Variants in SDK2 observed in about 807,000 individuals in gnomAD.
SDK2 encodes the protein sidekick cell adhesion molecule 2, also known as protein sidekick-2.
SDK2 carries 105 observed loss-of-function variants against 253.9 expected under a neutral mutation model. That is an observed-to-expected ratio of 0.41 (90% CI 0.35 to 0.49). SDK2 has a LOEUF of 0.49. SDK2 is among the 20% of genes least tolerant of loss of function. The probability of loss-of-function intolerance (pLI) is 0.06; values close to 1 mark genes in which losing one functional copy is unlikely to be tolerated. For missense variants in SDK2, 2,608 were observed against 3,003.0 expected (o/e 0.87, Z 3.07); for synonymous variants, 1,249 against 1,234.9 (o/e 1.01, Z -0.24).
intron 44 of SDK2, among the ~76,000 whole-genome samples, chr17:73,341,630 A>C (rs1310863060): frequency 6.6e-6 from 1 of 152,156 alleles, no homozygotes; most frequent in Non-Finnish European, 1.5e-5. Flanking sequence ...TGGGATGGGG[A>C]GCTGTGTCCT....
At chr17:73,582,326 A>T (rs1054251741) in intron 1 of SDK2, among the ~76,000 whole-genome samples, 2 of 151,332 alleles carry the variant, frequency 1.3e-5, no homozygotes, top group Admixed American at 6.6e-5. Context: ...CACACCACGC[A>T]GGCATCAGCA....
intron 32 of SDK2, 35 bp downstream of exon 32, chr17:73,385,808 CTGGG>C: frequency 6.4e-7 from 1 of 1,557,760 alleles, no homozygotes; most frequent in East Asian, 2.3e-5. Flanking sequence ...CAGAGCTCGT[CTGGG>C]TCTTCACGGA....
At chr17:73,628,954 C>T (rs16977717) in intron 1 of SDK2, among the ~76,000 whole-genome samples, 2,982 of 152,284 alleles carry the variant, frequency 0.02, 111 homozygotes, top group African/African-American at 0.068. Flanking sequence ...GAAGCCAGAT[C>T]ATGGGTCCAG....
At chr17:73,471,986 G>T in intron 3 of SDK2, 126 bp downstream of exon 3, 4 of 687,680 alleles carry the variant, frequency 5.8e-6, no homozygotes, top group Non-Finnish European at 7.4e-6. Context: ...GCTGGAAGGG[G>T]CACCATGGGC....
chr17:73,594,333 G>A (rs2045724475), intron 1 of SDK2, among the ~76,000 whole-genome samples: 1 of 152,170 alleles, frequency 6.6e-6, no homozygotes, highest in Non-Finnish European at 1.5e-5. Context: ...CATGTCCTCA[G>A]ACTGCTCCAG....
intron 3 of SDK2, among the ~76,000 whole-genome samples, chr17:73,456,326 A>G (rs2063525698): frequency 6.6e-6 from 1 of 152,148 alleles, no homozygotes; most frequent in Non-Finnish European, 1.5e-5. Context: ...CACACATTTT[A>G]CAATGGAAAA....
chr17:73,598,500 T>G (rs1194896801), intron 1 of SDK2, among the ~76,000 whole-genome samples: 1 of 152,148 alleles, frequency 6.6e-6, no homozygotes, highest in Non-Finnish European at 1.5e-5. Flanking sequence ...TCCCCTGGCT[T>G]CCCCTCTGCC....
intron 21 of SDK2, 106 bp from the exon 22 acceptor site, chr17:73,399,395 A>G: frequency 8.0e-7 from 1 of 1,251,992 alleles, no homozygotes; most frequent in African/African-American, 1.5e-5. Flanking sequence ...CTTTTCCTGG[A>G]AATGTCTGAG....
Position 73,475,878 on chromosome 17 carries a change from G to A in SDK2, c.225-3660C>T, listed in dbSNP as rs576044954. Among the ~76,000 whole-genome samples, 3 of 152,328 alleles carry A rather than the reference G, an allele frequency of 2.0e-5. No individual in the cohort carries two copies. The East Asian group carries it at 5.8e-4, about 29-fold the overall frequency. The stretch of plus-strand genomic sequence containing the variant: ...AAAAATCCCCGCACTTTGGGAGACC[G>A]AGGTGGGCAGATCACTTGAGGTCAG... On this transcript the variant is annotated intron_variant, in intron 2 of 44. Coordinates refer to ENST00000392650, the MANE Select transcript of SDK2 (RefSeq NM_001144952.2).
chr17:73,384,994 C>T (rs557500903), intron 32 of SDK2, among the ~76,000 whole-genome samples: 2 of 152,174 alleles, frequency 1.3e-5, no homozygotes, highest in Non-Finnish European at 2.9e-5. Context: ...TCTACGGGAG[C>T]GTCCTCTCCT....
intron 26 of SDK2, 27 bp downstream of exon 26, chr17:73,394,182 C>T (rs750443165): frequency 7.0e-7 from 1 of 1,437,034 alleles, no homozygotes; most frequent in Non-Finnish European, 9.4e-7. Context: ...GTGTAGGGAC[C>T]CCACCTCCTG....
chr17:73,468,588 T>G (rs1321462896), intron 3 of SDK2, among the ~76,000 whole-genome samples: 1 of 152,150 alleles, frequency 6.6e-6, no homozygotes, highest in Non-Finnish European at 1.5e-5. Flanking sequence ...CTCAGCTCAC[T>G]GCAACCTCCG....
intron 1 of SDK2, among the ~76,000 whole-genome samples, chr17:73,569,534 A>G (rs892522767): frequency 6.6e-6 from 1 of 151,508 alleles, no homozygotes; most frequent in Non-Finnish European, 1.5e-5. Context: ...TAACCCTTGC[A>G]GCACATTGGA....
intron 1 of SDK2, among the ~76,000 whole-genome samples, chr17:73,610,242 A>T (rs1196340761): frequency 2.6e-5 from 4 of 152,142 alleles, no homozygotes; most frequent in Non-Finnish European, 5.9e-5. Flanking sequence ...ACTGGGGAGG[A>T]AACCCGTAGG....
intron 16 of SDK2, among the ~76,000 whole-genome samples, chr17:73,416,655 T>A (rs1329149771): frequency 6.6e-6 from 1 of 152,132 alleles, no homozygotes; most frequent in Non-Finnish European, 1.5e-5. Flanking sequence ...TATGGCATGA[T>A]CTTGGCTCAC....
In SDK2 at chr17:73,498,932, G is replaced by A. The variant is rs148911089; in HGVS notation, c.224+8506C>T. Among the ~76,000 whole-genome samples the A allele has an allele frequency of 9.8e-5, 15 of 152,338 alleles. No homozygotes were observed. In the East Asian group the frequency reaches 2.5e-3, roughly 26 times the overall value. The stretch of plus-strand genomic sequence containing the variant: ...AAACCTGACTCCGTGTACTGGCTGT[G>A]TGACCTTGGGTAGGTTGCCGAACCT... On this transcript the variant is annotated intron_variant, in intron 2 of 44. Coordinates refer to ENST00000392650, the MANE Select transcript of SDK2 (RefSeq NM_001144952.2).
chr17:73,405,498 AT>A lies in SDK2; in HGVS notation c.2485-3358del, dbSNP rs1568385701. Reference sequence around the variant, plus strand: ...TATATATATATATATATATATATATATATATATATATATATATATAAAGATC... The same window carrying A: ...TATATATATATATATATATATATATAATATATATATATATATATAAAGATC... On this transcript the variant is annotated intron_variant, in intron 18 of 44. Transcript: ENST00000392650. Among the ~76,000 whole-genome samples the A allele has an allele frequency of 8.5e-3, 855 of 100,936 alleles. 140 individuals carry two copies. The highest frequency in any genetic ancestry group is 0.014 in the Non-Finnish European group (701 of 49,750). The allele number at this position is 100,936 out of a possible 152,430, so 66.2% of individuals were successfully genotyped here. A position where few individuals can be genotyped will look rare whatever the true frequency, so the allele number is the denominator to read the frequency against.
At chr17:73,640,017 G>A (rs1289719620) in intron 1 of SDK2, among the ~76,000 whole-genome samples, 1 of 152,152 alleles carries the variant, frequency 6.6e-6, no homozygotes, top group Admixed American at 6.5e-5. Flanking sequence ...CTTACAGCCC[G>A]ACTGCGTCCT....
Position 73,467,380 on chromosome 17 carries a change from C to T in SDK2, c.331+4732G>A, listed in dbSNP as rs545990757. On this transcript the variant is annotated intron_variant, in intron 3 of 44. Coordinates refer to ENST00000392650, the MANE Select transcript of SDK2 (RefSeq NM_001144952.2). This position sits in a 1 kb window ranked among gnomAD's most constrained non-coding sequence, Gnocchi z 4.1. Reference sequence around the variant, plus strand: ...ACTTAGACAAGGTGTGTCACCCGGCCGAGCCTCGGTTTCCTCATCTGTAAC... The same window carrying T: ...ACTTAGACAAGGTGTGTCACCCGGCTGAGCCTCGGTTTCCTCATCTGTAAC... Among the ~76,000 whole-genome samples, 7 of 152,188 alleles carry T rather than the reference C, an allele frequency of 4.6e-5. No homozygotes were observed. In the East Asian group the frequency reaches 9.7e-4, roughly 21 times the overall value.
Sources: gnomAD v4.1 joint callset for allele counts (sites outside exome capture counted in the v4.1 genomes callset) on GRCh38, gnomAD v4.1.1 for gene constraint, Gnocchi (gnomAD v3.1) non-coding constraint, MANE v1.5 for transcripts, NCBI Gene and HGNC (gene_info 2026-07-23, HGNC 2026-07-21) for gene names.